The following SGCG variants were observed in gnomAD, a reference collection of about 807,000 sequenced individuals.
SGCG encodes sarcoglycan gamma.
SGCG carries 26 observed loss-of-function variants against 29.3 expected under a neutral mutation model. That is an observed-to-expected ratio of 0.89 (90% CI 0.65 to 1.23). The LOEUF (loss-of-function observed/expected upper bound fraction) is 1.23. Among genes scored for constraint, SGCG ranks in the 50% most tolerant of loss-of-function variants. SGCG has a pLI of 0.00. For missense variants in SGCG, 353 were observed against 356.0 expected (o/e 0.99, Z 0.07); for synonymous variants, 145 against 129.7 (o/e 1.12, Z -0.80).
In SGCG at chr13:23,262,692, T is replaced by C. The variant is rs894258832; in HGVS notation, c.385+11975T>C. On this transcript the variant is annotated intron_variant, in intron 4 of 7. Coordinates refer to ENST00000218867, the MANE Select transcript of SGCG (RefSeq NM_000231.3). ...TTTAAATAACATTATACTCAACAAG[T>C]GCAGAATATCCATTCTTCCCATCAG... Among the ~76,000 whole-genome samples the C allele has an allele frequency of 1.4e-4, 22 of 151,926 alleles. 1 individual carries two copies. The highest frequency in any genetic ancestry group is 1.4e-3 in the Admixed American group (21 of 15,250).
intron 7 of SGCG, among the ~76,000 whole-genome samples, chr13:23,321,504 A>G (rs1883041265): frequency 6.6e-6 from 1 of 152,232 alleles, no homozygotes; most frequent in African/African-American, 2.4e-5. Flanking sequence ...TGGAGCCATT[A>G]TTAATTAAAA....
intron 4 of SGCG, among the ~76,000 whole-genome samples, chr13:23,271,426 C>T (rs539401392): frequency 6.6e-6 from 1 of 152,104 alleles, no homozygotes; most frequent in African/African-American, 2.4e-5. Context: ...AAAAAAATTG[C>T]AAATTAATCT....
intron 2 of SGCG, among the ~76,000 whole-genome samples, chr13:23,222,130 T>G (rs1878695305): frequency 6.6e-6 from 1 of 152,212 alleles, no homozygotes; most frequent in African/African-American, 2.4e-5. Flanking sequence ...TGGATACTCT[T>G]TCTTATGAAG....
chr13:23,223,012 C>A lies in SGCG; in HGVS notation c.196-11599C>A, dbSNP rs1878731291. Among the ~76,000 whole-genome samples, 2 of 152,090 alleles carry A rather than the reference C, an allele frequency of 1.3e-5. 1 individual carries two copies. The highest frequency in any genetic ancestry group is 4.1e-4 in the South Asian group (2 of 4,830). Reference sequence around the variant, plus strand: ...AGTACAAATAGGCTGGGCACAGTGGCTCACGCCTGTAATCCCAGCACTTTG... The same window carrying A: ...AGTACAAATAGGCTGGGCACAGTGGATCACGCCTGTAATCCCAGCACTTTG... On this transcript the variant is annotated intron_variant, in intron 2 of 7. Coordinates refer to ENST00000218867, the MANE Select transcript of SGCG (RefSeq NM_000231.3).
At chr13:23,312,143 G>A (rs1023825327) in intron 6 of SGCG, among the ~76,000 whole-genome samples, 1 of 152,122 alleles carries the variant, frequency 6.6e-6, no homozygotes, top group Non-Finnish European at 1.5e-5. Context: ...ACAATTTATT[G>A]CATCTAGATT....
the SGCG span, among the ~76,000 whole-genome samples, chr13:23,174,092 T>G: frequency 6.6e-6 from 1 of 152,190 alleles, no homozygotes; most frequent in Non-Finnish European, 1.5e-5. Context: ...GACAATCTGC[T>G]TCCCAACCCT....
chr13:23,255,138 G>A (rs543163261), intron 4 of SGCG, among the ~76,000 whole-genome samples: 2 of 152,268 alleles, frequency 1.3e-5, no homozygotes, highest in Admixed American at 6.5e-5. Flanking sequence ...CAGAATCGTC[G>A]AGCTACCAGA....
intron 2 of SGCG, among the ~76,000 whole-genome samples, chr13:23,225,014 C>T (rs912687909): frequency 1.8e-4 from 28 of 152,294 alleles, no homozygotes; most frequent in African/African-American, 6.7e-4. Context: ...GAGAAATGTA[C>T]AATCTCAGTT....
chr13:23,228,805 C>A (rs1593185097), intron 2 of SGCG, among the ~76,000 whole-genome samples: 1 of 152,296 alleles, frequency 6.6e-6, no homozygotes, highest in South Asian at 2.1e-4. Context: ...TGATCTCATT[C>A]CTTCTTATGG....
Position 23,299,429 on chromosome 13 carries a change from TATATATATATATATATATATATATATA to T in SGCG, c.578+3943_578+3969del, listed in dbSNP as rs1257448252. 8.1e-3 allele frequency among the ~76,000 whole-genome samples: 116 copies of T among 14,244 alleles called. 9 individuals are homozygous for T. The highest frequency in any genetic ancestry group is 0.02 in the African/African-American group (107 of 5,332). 9.3% of individuals were successfully genotyped at this position (14,244 alleles called of 152,430 possible). ...TGGCATATATATATATATATATATA[TATATATATATATATATATATATATATA>T]TTTTTTTTTTTTTTTTAGTCGGAGT... On this transcript the variant is annotated intron_variant, in intron 6 of 7. Transcript: ENST00000218867.
intron 4 of SGCG, among the ~76,000 whole-genome samples, chr13:23,262,782 T>A (rs1880493589): frequency 1.3e-5 from 2 of 151,968 alleles, no homozygotes; most frequent in Non-Finnish European, 2.9e-5. Context: ...ATAAATTTTT[T>A]AAGAGCAAAA....
chr13:23,217,866 C>T (rs1274141399), intron 2 of SGCG, among the ~76,000 whole-genome samples: 1 of 151,966 alleles, frequency 6.6e-6, no homozygotes, highest in Non-Finnish European at 1.5e-5. Flanking sequence ...TATGAGATGT[C>T]ATAAATGGTG....
At chr13:23,208,842 ATAC>A (rs1157307538) in intron 2 of SGCG, among the ~76,000 whole-genome samples, 1 of 152,162 alleles carries the variant, frequency 6.6e-6, no homozygotes, top group Non-Finnish European at 1.5e-5. Context: ...TTCTATAAAA[ATAC>A]TATGCAATAT....
chr13:23,185,428 G>T (rs750608582), intron 1 of SGCG, among the ~76,000 whole-genome samples: 4 of 152,196 alleles, frequency 2.6e-5, no homozygotes, highest in Admixed American at 2.0e-4. Context: ...CTGACCTCGT[G>T]ATCTGCTCGC....
At chr13:23,285,262 C>A (rs1354401939) in intron 5 of SGCG, among the ~76,000 whole-genome samples, 1 of 152,226 alleles carries the variant, frequency 6.6e-6, no homozygotes, top group Non-Finnish European at 1.5e-5. Context: ...TTATCTATAA[C>A]TCCCTGACTG....
chr13:23,314,382 T>TTATAGATATATATATATATATA (rs1555247264), intron 6 of SGCG, among the ~76,000 whole-genome samples: 1 of 78,624 alleles, frequency 1.3e-5, no homozygotes, highest in Non-Finnish European at 2.3e-5. Flanking sequence ...CTGCTATAGG[T>TTATAGATATATATATATATATA]TATATATATA....
At chr13:23,319,657 C>G (rs1048640283) in intron 6 of SGCG, among the ~76,000 whole-genome samples, 1 of 152,126 alleles carries the variant, frequency 6.6e-6, no homozygotes, top group African/African-American at 2.4e-5. Flanking sequence ...TGCTCCCTGC[C>G]CCTCTCCTCC....
At chr13:23,257,544 A>T in intron 4 of SGCG, among the ~76,000 whole-genome samples, 1 of 152,136 alleles carries the variant, frequency 6.6e-6, no homozygotes, top group East Asian at 1.9e-4. Flanking sequence ...GAAGCTCATT[A>T]GTTTAATTAG....
chr13:23,274,733 T>C (rs1593212741), intron 4 of SGCG, among the ~76,000 whole-genome samples: 1 of 152,272 alleles, frequency 6.6e-6, no homozygotes, highest in East Asian at 1.9e-4. Context: ...GTGTGGAATT[T>C]TTATGGCTGT....
Sources: allele counts gnomAD v4.1 joint callset (sites outside exome capture counted in the v4.1 genomes callset), GRCh38; gene constraint gnomAD v4.1.1; transcripts MANE v1.5; gene names NCBI Gene and HGNC (gene_info 2026-07-23, HGNC 2026-07-21).